The following COL24A1 variants were observed in gnomAD, a reference collection of about 807,000 sequenced individuals.
The protein encoded by COL24A1 is collagen type XXIV alpha 1 chain.
Under a neutral mutation model 253.9 loss-of-function variants are expected in COL24A1, and 224 were observed. The ratio of observed to expected loss-of-function variants is 0.88; its 90% confidence interval spans 0.79 to 0.99. COL24A1 has a LOEUF of 0.99. Among genes scored for constraint, COL24A1 ranks in the 50% least tolerant of loss-of-function variants. The pLI, the probability that COL24A1 is intolerant of heterozygous loss-of-function variation, is 0.00. For synonymous variants in COL24A1, 685 were observed against 673.7 expected, an observed-to-expected ratio of 1.02 and a Z score of -0.26; for missense variants, 2,131 against 2,068.5, an observed-to-expected ratio of 1.03 and a Z score of -0.59.
intron 37 of COL24A1, among the ~76,000 whole-genome samples, chr1:85,858,621 C>CTCCCTTCCT (rs1347863094): frequency 1.7e-4 from 19 of 113,270 alleles, no homozygotes; most frequent in Non-Finnish European, 3.1e-4. Flanking sequence ...TATTTTCTCC[C>CTCCCTTCCT]TCCTTCCTTC....
intron 18 of COL24A1, among the ~76,000 whole-genome samples, chr1:86,022,039 C>T (rs1697582142): frequency 6.6e-6 from 1 of 152,136 alleles, no homozygotes; most frequent in African/African-American, 2.4e-5. Flanking sequence ...AGAAACTTGG[C>T]TTTGGCCTAG....
At chr1:85,744,538 T>C in intron 57 of COL24A1, 128 bp downstream of exon 57, 2 of 647,500 alleles carry the variant, frequency 3.1e-6, no homozygotes, top group Non-Finnish European at 4.9e-6. Flanking sequence ...CTTGATGACA[T>C]TAAAATGGCT....
intron 59 of COL24A1, among the ~76,000 whole-genome samples, chr1:85,732,669 T>A (rs567838172): frequency 6.6e-6 from 1 of 152,368 alleles, no homozygotes; most frequent in East Asian, 1.9e-4. Context: ...CTTGCGAATT[T>A]ATTTTTAATT....
rs182280677 is a variant in COL24A1, at chr1:85,925,357, A to G, written c.2563-13924T>C. On this transcript the variant is annotated intron_variant, in intron 24 of 59. Coordinates refer to ENST00000370571, the MANE Select transcript of COL24A1 (RefSeq NM_152890.7). ...CATATGGAACCAAAAAAGAGCCCGCATTGCCAAGTCAATCCTAAGCCAAAA... is the reference window on the plus strand; with the variant it reads ...CATATGGAACCAAAAAAGAGCCCGCGTTGCCAAGTCAATCCTAAGCCAAAA... Among the ~76,000 whole-genome samples, 9 of 152,340 alleles carry G rather than the reference A, an allele frequency of 5.9e-5. No individual in the cohort carries two copies. In the East Asian group the frequency reaches 1.7e-3, roughly 29 times the overall value.
At chr1:86,106,042 A>G (rs914121982) in intron 5 of COL24A1, among the ~76,000 whole-genome samples, 1 of 152,152 alleles carries the variant, frequency 6.6e-6, no homozygotes, top group Non-Finnish European at 1.5e-5. Context: ...GGCTGTGTCT[A>G]GTCAGTCATC....
At chr1:86,086,385 G>T (rs1403216716) in intron 7 of COL24A1, among the ~76,000 whole-genome samples, 1 of 152,066 alleles carries the variant, frequency 6.6e-6, no homozygotes, top group Non-Finnish European at 1.5e-5. Context: ...GAAACAGCGT[G>T]GCAAGCCCAC....
intron 24 of COL24A1, among the ~76,000 whole-genome samples, chr1:85,913,434 T>C (rs1685565604): frequency 6.6e-6 from 1 of 152,130 alleles, no homozygotes; most frequent in Non-Finnish European, 1.5e-5. Flanking sequence ...ATGGGAGTGG[T>C]ACTACTCACT....
chr1:85,963,941 CA>C (rs1691320111), intron 23 of COL24A1, among the ~76,000 whole-genome samples: 1 of 152,068 alleles, frequency 6.6e-6, no homozygotes, highest in Non-Finnish European at 1.5e-5. Flanking sequence ...TCCTATTTTT[CA>C]GAGGACTTTT....
intron 52 of COL24A1, among the ~76,000 whole-genome samples, chr1:85,779,577 C>T (rs556203619): frequency 7.9e-5 from 12 of 152,148 alleles, no homozygotes; most frequent in Non-Finnish European, 1.3e-4. Flanking sequence ...GAAGGCTTTC[C>T]TATAATGTGA....
intron 47 of COL24A1, among the ~76,000 whole-genome samples, chr1:85,799,373 C>T (rs1160927670): frequency 1.0e-5 from 1 of 95,526 alleles, no homozygotes; most frequent in African/African-American, 3.9e-5. Context: ...ACCATGGTGC[C>T]ATGACTAAAA....
chr1:86,012,538 G>A (rs1436721378), intron 19 of COL24A1, among the ~76,000 whole-genome samples: 1 of 152,100 alleles, frequency 6.6e-6, no homozygotes, highest in African/African-American at 2.4e-5. Flanking sequence ...GCAGTGAGCC[G>A]AGGTTGCACC....
Position 85,744,716 on chromosome 1 carries a change from G to A in COL24A1, c.4622C>T (p.Pro1541Leu), listed in dbSNP as rs759092500. ...IKNPLGTRDN[P>L]ARICKDLLNC... ...AAGTAAATCTTTGCAGATTCGTGCTGGGTTATCTCGTGTGCCAAGAGGATT... is the reference window on the plus strand; with the variant it reads ...AAGTAAATCTTTGCAGATTCGTGCTAGGTTATCTCGTGTGCCAAGAGGATT... The change falls in exon 57 of 60, where the codon CCA becomes CTA. Residue 1541 changes from proline to leucine, a missense_variant. Pro to Leu is a moderately conservative substitution (Grantham distance 98, BLOSUM62 -3). Transcript: ENST00000370571. The A allele has an allele frequency of 3.7e-6, 6 of 1,609,108 alleles. No homozygotes were observed. Among genetic ancestry groups the A allele is most frequent in the Non-Finnish European group, 5.1e-6 (6 of 1,178,566 alleles).
At chr1:85,972,463 T>C (rs915580028) in intron 20 of COL24A1, among the ~76,000 whole-genome samples, 2 of 152,206 alleles carry the variant, frequency 1.3e-5, no homozygotes, top group African/African-American at 4.8e-5. Context: ...CAAGAAACTG[T>C]ATTACTTTAG....
At chr1:85,876,959 T>C (rs1188066652) in intron 33 of COL24A1, among the ~76,000 whole-genome samples, 163 bp downstream of exon 33, 2 of 152,186 alleles carry the variant, frequency 1.3e-5, no homozygotes, top group Admixed American at 1.3e-4. Flanking sequence ...AAATTAGACA[T>C]ATAATAATCA....
At chr1:85,869,080 T>C (rs1680113586) in intron 35 of COL24A1, among the ~76,000 whole-genome samples, 1 of 152,132 alleles carries the variant, frequency 6.6e-6, no homozygotes, top group African/African-American at 2.4e-5. Flanking sequence ...AGAATATTAA[T>C]AAATTTTAGA....
chr1:85,877,273 A>C, intron 32 of COL24A1, 98 bp from the exon 33 acceptor site: 1 of 760,052 alleles, frequency 1.3e-6, no homozygotes, highest in Non-Finnish European at 2.1e-6. Flanking sequence ...AACACATAAC[A>C]CATGATTATG....
intron 19 of COL24A1, among the ~76,000 whole-genome samples, chr1:86,005,624 A>G (rs560450627): frequency 5.9e-5 from 9 of 152,196 alleles, no homozygotes; most frequent in African/African-American, 2.2e-4. Context: ...TTTTATGAAT[A>G]AAAATAAAAG....
intron 12 of COL24A1, among the ~76,000 whole-genome samples, chr1:86,043,175 A>G (rs1191048514): frequency 6.6e-6 from 1 of 152,152 alleles, no homozygotes; most frequent in Non-Finnish European, 1.5e-5. Flanking sequence ...AAAAATATCT[A>G]CTATTGTTCT....
At chr1:86,034,784 C>G (rs1698871366) in intron 12 of COL24A1, among the ~76,000 whole-genome samples, 1 of 152,074 alleles carries the variant, frequency 6.6e-6, no homozygotes, top group Admixed American at 6.5e-5. Flanking sequence ...TAACTCAACG[C>G]TCAGCTACTC....
Sources: gnomAD v4.1 joint callset for allele counts (sites outside exome capture counted in the v4.1 genomes callset) on GRCh38, gnomAD v4.1.1 for gene constraint, MANE v1.5 for transcripts, NCBI Gene and HGNC (gene_info 2026-07-23, HGNC 2026-07-21) for gene names.